The following RTKN2 variants were observed in gnomAD, a reference collection of about 807,000 sequenced individuals.
RTKN2 encodes the protein rhotekin-2.
RTKN2 carries 69 observed loss-of-function variants against 71.5 expected under a neutral mutation model. That is an observed-to-expected ratio of 0.96 (90% confidence interval 0.79 to 1.18). The LOEUF is 1.18. RTKN2 is among the 50% of genes most tolerant of loss of function. The probability of loss-of-function intolerance (pLI) is 0.00; values close to 1 mark genes in which losing one functional copy is unlikely to be tolerated. For synonymous variants in RTKN2, 236 were observed against 236.5 expected (o/e 1.00, Z 0.02); for missense variants, 724 against 719.7 (o/e 1.01, Z -0.07).
At chr10:62,245,968 C>T in intron 3 of RTKN2, 31 bp downstream of exon 3, 1 of 1,354,758 alleles carries the variant, frequency 7.4e-7, no homozygotes, top group Non-Finnish European at 1.0e-6. Context: ...AGAATTTATT[C>T]AGCAATATAA....
intron 2 of RTKN2, among the ~76,000 whole-genome samples, chr10:62,250,514 A>G (rs1842560756): frequency 6.6e-6 from 1 of 152,198 alleles, no homozygotes; most frequent in South Asian, 2.1e-4. Flanking sequence ...GAAACCAAAT[A>G]CAGTATTCTC....
chr10:62,198,255 G>A lies in RTKN2; in HGVS notation c.1483C>T (p.His495Tyr), dbSNP rs560892952. ...TGTCTCTTTTTCCCTTTTTCATCATGTAATGGCTCACTTGCAGGATACAGT... is the reference window on the plus strand; with the variant it reads ...TGTCTCTTTTTCCCTTTTTCATCATATAATGGCTCACTTGCAGGATACAGT... Reference protein sequence around the residue: ...KVLYPASEPLHDEKGKKRQAP... With the variant: ...KVLYPASEPLYDEKGKKRQAP... The change falls in exon 12 of 12, where the codon CAT (histidine) becomes TAT (tyrosine). Residue 495 changes from histidine (H) to tyrosine (Y), a missense_variant. Transcript: ENST00000373789. 1.3e-5 allele frequency: 21 copies of A among 1,613,938 alleles called. No homozygotes were observed. In the South Asian group the frequency reaches 2.1e-4, roughly 16 times the overall value.
intron 2 of RTKN2, chr10:62,259,329 A>G (rs1003460818): frequency 7.6e-6 from 2 of 263,174 alleles, no homozygotes; most frequent in African/African-American, 4.6e-5. Context: ...GAACTAATAC[A>G]ATATCTTTCT....
chr10:62,241,525 T>G lies in RTKN2; in HGVS notation c.317-330A>C, dbSNP rs983975954. 3.9e-5 allele frequency among the ~76,000 whole-genome samples: 6 copies of G among 152,200 alleles called. No homozygotes were observed. In the East Asian group the frequency reaches 1.2e-3, roughly 29 times the overall value. On this transcript the variant is annotated intron_variant, in intron 3 of 11. Transcript: ENST00000373789. ...TGTCTGTTCCTTGGCTATACTTTTA[T>G]GAATTTGAATCATTTATTAATTACT...
intron 6 of RTKN2, among the ~76,000 whole-genome samples, chr10:62,224,356 TAGA>T (rs1402631952): frequency 1.3e-5 from 2 of 152,064 alleles, no homozygotes; most frequent in Non-Finnish European, 2.9e-5. Flanking sequence ...TTAGATATAA[TAGA>T]TGACATTTTT....
chr10:62,189,642 A>G (rs1331699696), downstream of RTKN2, among the ~76,000 whole-genome samples: 2 of 152,180 alleles, frequency 1.3e-5, no homozygotes, highest in Non-Finnish European at 2.9e-5. Flanking sequence ...CCTGGCTAAC[A>G]TGGTGAAACC....
At position 62,196,594 on chromosome 10, in the gene RTKN2, T is replaced by C. The variant is rs906005188; in HGVS notation, c.*1314A>G. 37 of 985,112 alleles carry C rather than the reference T, an allele frequency of 3.8e-5. No individual in the cohort carries two copies. The highest frequency in any genetic ancestry group is 3.3e-4 in the African/African-American group (19 of 57,248). The allele number at this position is 985,112 out of a possible 1,614,324, so 61.0% of individuals were successfully genotyped here. ...TGTAATAATGTAGTTCTGATCCAAA[T>C]AGAGTTCTTGCTAGCTTTAAAAAGA... is the stretch of plus-strand genomic sequence containing the variant. On this transcript the variant is annotated 3_prime_UTR_variant, in exon 12 of 12. Transcript: ENST00000373789.
At chr10:62,249,436 T>C (rs1842538244) in intron 2 of RTKN2, among the ~76,000 whole-genome samples, 1 of 147,796 alleles carries the variant, frequency 6.8e-6, no homozygotes, top group South Asian at 2.2e-4. Context: ...TGCTGAAATA[T>C]AAGCTCCGTG....
At chr10:62,244,463 T>C (rs1327529366) in intron 3 of RTKN2, among the ~76,000 whole-genome samples, 1 of 152,180 alleles carries the variant, frequency 6.6e-6, no homozygotes, top group Non-Finnish European at 1.5e-5. Context: ...TCTAATATTA[T>C]GAATTGCTAC....
rs1378461214 is a variant in RTKN2, at chr10:62,197,377, G to A, written c.*531C>T. 3 of 985,284 alleles carry A rather than the reference G, an allele frequency of 3.0e-6. No individual in the cohort carries two copies. The highest frequency in any genetic ancestry group is 3.6e-6 in the Non-Finnish European group (3 of 829,604). The allele number at this position is 985,284 out of a possible 1,614,324, so 61.0% of individuals were successfully genotyped here. A position where few individuals can be genotyped will look rare whatever the true frequency, so the allele number is the denominator to read the frequency against. ...TTATCCCAGGAATTTAAAAGGTCAG[G>A]CCTATAAACTAGTGAGTTAAACAAT... On this transcript the variant is annotated 3_prime_UTR_variant, in exon 12 of 12. Coordinates refer to ENST00000373789, the MANE Select transcript of RTKN2 (RefSeq NM_145307.4).
intron 2 of RTKN2, among the ~76,000 whole-genome samples, chr10:62,251,618 T>G (rs747500266): frequency 2.0e-5 from 3 of 152,158 alleles, no homozygotes; most frequent in Non-Finnish European, 2.9e-5. Context: ...ATTAAAATCC[T>G]CTACCAACTC....
In RTKN2 at chr10:62,198,295, G is replaced by T; in HGVS notation, c.1443C>A (p.Val481=). ...CAGGATACAGTACCTTTTTCTGGAT[G>T]ACCATTTGATGGTTACCATCAAAGA... The part of the protein sequence containing the change: ...ATLFDGNHQM[V]IQKKVLYPAS... Residue 481 remains valine, a synonymous_variant, in exon 12 of 12, where the codon GTC becomes GTA. Transcript: ENST00000373789. 1 of 1,613,682 alleles carries T rather than the reference G, an allele frequency of 6.2e-7. No individual in the cohort carries two copies. The highest frequency in any genetic ancestry group is 8.5e-7 in the Non-Finnish European group (1 of 1,179,754).
At chr10:62,209,976 T>C (rs1240179564) in intron 9 of RTKN2, among the ~76,000 whole-genome samples, 1 of 152,224 alleles carries the variant, frequency 6.6e-6, no homozygotes, top group Non-Finnish European at 1.5e-5. Flanking sequence ...TTTGGGTATA[T>C]ACCCAGTAAT....
chr10:62,218,307 T>C lies in RTKN2; in HGVS notation c.782-6A>G. On this transcript the variant is annotated splice_region_variant and splice_polypyrimidine_tract_variant and intron_variant, in intron 7 of 11. Transcript: ENST00000373789. ...AAGCCAAAATGAAGACTCCTCTATTTAAAGGAGAAAGAAAAAAAAAAATCA... is the reference window on the plus strand; with the variant it reads ...AAGCCAAAATGAAGACTCCTCTATTCAAAGGAGAAAGAAAAAAAAAAATCA... 1.3e-6 allele frequency: 2 copies of C among 1,509,760 alleles called. No individual in the cohort carries two copies. The highest frequency in any genetic ancestry group is 2.0e-5 in the Admixed American group (1 of 49,298). 93.5% of individuals were successfully genotyped at this position (1,509,760 alleles called of 1,614,324 possible).
At position 62,199,745 on chromosome 10, in the gene RTKN2, C is replaced by A; in HGVS notation, c.1294+9G>T. On this transcript the variant is annotated intron_variant, in intron 11 of 11. Coordinates refer to ENST00000373789, the MANE Select transcript of RTKN2 (RefSeq NM_145307.4). ...ATCCTGCAGCTTAGAAAAGACAAAC[C>A]CCACTTACTCATATCATGGTAGACT... 6.5e-7 allele frequency: 1 copy of A among 1,539,872 alleles called. No individual in the cohort carries two copies. The highest frequency in any genetic ancestry group is 9.0e-7 in the Non-Finnish European group (1 of 1,113,824).
chr10:62,263,140 G>A (rs1000667270), intron 1 of RTKN2, among the ~76,000 whole-genome samples: 6 of 152,170 alleles, frequency 3.9e-5, no homozygotes, highest in Admixed American at 2.6e-4. Context: ...TCAGAATGTA[G>A]CCTTATTTGG....
chr10:62,194,717 A>C lies in RTKN2; in HGVS notation c.*3191T>G, dbSNP rs1430270352. On this transcript the variant is annotated 3_prime_UTR_variant, in exon 12 of 12. Transcript: ENST00000373789. Reference sequence around the variant, plus strand: ...TAATTAACTTCTCAGTAGGGGGCTGAGGTGCTGAACATAAGCCTAAAGAAA... The same window carrying C: ...TAATTAACTTCTCAGTAGGGGGCTGCGGTGCTGAACATAAGCCTAAAGAAA... The C allele has an allele frequency of 1.0e-6, 1 of 985,304 alleles. No individual in the cohort carries two copies. Among genetic ancestry groups the C allele is most frequent in the African/African-American group, 1.7e-5 (1 of 57,250 alleles). 61.0% of individuals were successfully genotyped at this position (985,304 alleles called of 1,614,324 possible). A position where few individuals can be genotyped will look rare whatever the true frequency, so the allele number is the denominator to read the frequency against.
chr10:62,241,106 GA>G (rs1425729940), intron 4 of RTKN2, 35 bp downstream of exon 4: 13 of 1,242,136 alleles, frequency 1.0e-5, no homozygotes, highest in Non-Finnish European at 1.5e-5. Flanking sequence ...ACATACTAAA[GA>G]AAACATTTCA....
intron 2 of RTKN2, among the ~76,000 whole-genome samples, chr10:62,262,125 T>C (rs1184301234): frequency 6.6e-6 from 1 of 152,260 alleles, no homozygotes. Flanking sequence ...GTTGCATGAA[T>C]GTCCTTGAGG....
Sources: gnomAD v4.1 joint callset for allele counts (sites outside exome capture counted in the v4.1 genomes callset) on GRCh38, gnomAD v4.1.1 for gene constraint, MANE v1.5 for transcripts, NCBI Gene and HGNC (gene_info 2026-07-23, HGNC 2026-07-21) for gene names.